GART: variants seen among roughly 807,000 people sequenced by gnomAD.
GART encodes the protein trifunctional purine biosynthetic protein adenosine-3.
In GART, 43 loss-of-function variants were observed where a neutral mutation model predicts 107.2. That is an observed-to-expected ratio of 0.40 (90% confidence interval 0.31 to 0.52). The LOEUF (loss-of-function observed/expected upper bound fraction) is 0.52, where lower values mean the gene tolerates loss of function less well. GART is among the 20% of genes least tolerant of loss of function. GART has a pLI of 0.52. For missense variants in GART, 1,107 were observed against 1,206.5 expected (o/e 0.92, Z 1.22); for synonymous variants, 434 against 427.0 (o/e 1.02, Z -0.20).
chr21:33,504,699 C>A (rs1191627290), intron 20 of GART, among the ~76,000 whole-genome samples, 172 bp from the exon 21 acceptor site: 1 of 152,056 alleles, frequency 6.6e-6, no homozygotes, highest in African/African-American at 2.4e-5. Flanking sequence ...TCCAAGAAGG[C>A]CCTGGAAGCA....
chr21:33,529,000 A>G, intron 7 of GART, 63 bp from the exon 8 acceptor site: 1 of 1,070,788 alleles, frequency 9.3e-7, no homozygotes, highest in South Asian at 1.3e-5. Context: ...GTAGTATTAC[A>G]TGGGACAACA....
At chr21:33,526,069 C>T (rs1299296304) in intron 10 of GART, among the ~76,000 whole-genome samples, 2 of 151,566 alleles carry the variant, frequency 1.3e-5, no homozygotes, top group East Asian at 3.9e-4. Context: ...CAGGGTTTCA[C>T]CGTGTTAGCC....
At chr21:33,517,651 A>C in intron 14 of GART, 43 bp from the exon 15 acceptor site, 1 of 1,607,764 alleles carries the variant, frequency 6.2e-7, no homozygotes, top group Non-Finnish European at 8.5e-7. Flanking sequence ...AGTATTTATA[A>C]ATCTGTCTAG....
At chr21:33,538,522 T>A (rs2145768627) in intron 2 of GART, among the ~76,000 whole-genome samples, 4 of 152,264 alleles carry the variant, frequency 2.6e-5, no homozygotes, top group African/African-American at 9.6e-5. Flanking sequence ...CGTGAGCCAC[T>A]GCACGTGGCC....
At chr21:33,513,563 C>CT (rs1302957597) in intron 16 of GART, among the ~76,000 whole-genome samples, 1 of 152,002 alleles carries the variant, frequency 6.6e-6, no homozygotes, top group African/African-American at 2.4e-5. Flanking sequence ...GGGTGAGACT[C>CT]TGTCTAAAAA....
chr21:33,511,221 A>G lies in GART; in HGVS notation c.2314+31T>C, dbSNP rs765441375. On this transcript the variant is annotated intron_variant, in intron 17 of 21. Transcript: ENST00000381815. The stretch of plus-strand genomic sequence containing the variant: ...TAGCTAAAATTATACAGCTAAAATT[A>G]TATATCTAAAAATGAGTAAGGAGCA... 1.1e-5 allele frequency: 17 copies of G among 1,610,444 alleles called. No homozygotes were observed. The East Asian group carries it at 3.6e-4, about 34-fold the overall frequency.
intron 16 of GART, among the ~76,000 whole-genome samples, chr21:33,512,200 C>G (rs2145688878): frequency 6.9e-6 from 1 of 144,530 alleles, no homozygotes; most frequent in East Asian, 2.2e-4. Context: ...AGGAGAATCA[C>G]TTAAACCTGG....
intron 12 of GART, among the ~76,000 whole-genome samples, chr21:33,521,951 CAAAAA>C (rs1252653074): frequency 7.2e-5 from 6 of 82,818 alleles, no homozygotes; most frequent in Admixed American, 2.4e-4. Context: ...ACTCTTGTCT[CAAAAA>C]AAAAAAAAAA....
intron 11 of GART, chr21:33,524,470 CGA>C (rs2085031124): frequency 1.0e-5 from 7 of 701,704 alleles, no homozygotes; most frequent in Non-Finnish European, 1.2e-5. Flanking sequence ...AGAACTTGGG[CGA>C]GAGAGGAAGA....
intron 16 of GART, among the ~76,000 whole-genome samples, chr21:33,515,736 C>T (rs986279778): frequency 6.6e-6 from 1 of 151,370 alleles, no homozygotes; most frequent in Non-Finnish European, 1.5e-5. Context: ...ACTTTTGCTG[C>T]ATGCATAAAA....
chr21:33,542,811 A>G, upstream of GART: 1 of 524,372 alleles, frequency 1.9e-6, no homozygotes, highest in South Asian at 2.2e-5. Flanking sequence ...TCGCCTCAAG[A>G]GAGACGGCTC....
Position 33,520,425 on chromosome 21 carries a change from T to C in GART, c.1641A>G (p.Val547=). ...YFSCGKLDLS[V]TEAVVAGIAK... ...CAATTCCAGCAACAACAGCTTCAGTTACACTGAGGTCAAGTTTTCCACAGG... is the reference window on the plus strand; with the variant it reads ...CAATTCCAGCAACAACAGCTTCAGTCACACTGAGGTCAAGTTTTCCACAGG... The change falls in exon 14 of 22, where the codon GTA becomes GTG. Residue 547 remains valine (V), a synonymous_variant. Transcript: ENST00000381815. 4 of 1,614,178 alleles carry C rather than the reference T, an allele frequency of 2.5e-6. No homozygotes were observed. Among genetic ancestry groups the C allele is most frequent in the Non-Finnish European group, 3.4e-6 (4 of 1,180,004 alleles).
At chr21:33,531,589 TAA>T (rs757214804) in intron 5 of GART, 32 bp from the exon 6 acceptor site, 4 of 1,204,502 alleles carry the variant, frequency 3.3e-6, no homozygotes, top group African/African-American at 3.1e-5. Flanking sequence ...TTTTTTTTTT[TAA>T]AAAAAGAGGC....
chr21:33,515,119 A>C (rs1367345323), intron 16 of GART, among the ~76,000 whole-genome samples: 1 of 152,170 alleles, frequency 6.6e-6, no homozygotes, highest in African/African-American at 2.4e-5. Flanking sequence ...CTACATGAGC[A>C]GCTTCACCTT....
chr21:33,535,598 T>C (rs79570468), intron 2 of GART, among the ~76,000 whole-genome samples: 156 of 152,290 alleles, frequency 1.0e-3, no homozygotes, highest in Non-Finnish European at 1.8e-3. Flanking sequence ...TCCATGATAT[T>C]GTTCACGTCA....
intron 11 of GART, 99 bp downstream of exon 11, chr21:33,524,670 A>T (rs2085035355): frequency 6.5e-6 from 10 of 1,537,686 alleles, no homozygotes; most frequent in Non-Finnish European, 8.7e-6. Flanking sequence ...ACAGAGAGAA[A>T]AGAATACTGA....
Position 33,530,834 on chromosome 21 carries a change from C to T in GART, c.648G>A (p.Gln216=). Residue 216 remains glutamine (Q), a synonymous_variant, in exon 7 of 22, where the codon CAG becomes CAA. Transcript: ENST00000381815. ...GKTVAPMPPA[Q]DHKRLLEGDG... ...CTCCCTCCAGTAATCGCTTATGGTCCTGTGCTGGGGGCATGGGGGCCACAG... is the reference window on the plus strand; with the variant it reads ...CTCCCTCCAGTAATCGCTTATGGTCTTGTGCTGGGGGCATGGGGGCCACAG... The T allele has an allele frequency of 1.3e-6, 2 of 1,543,314 alleles. No homozygotes were observed. Among genetic ancestry groups the T allele is most frequent in the Non-Finnish European group, 8.7e-7 (1 of 1,153,622 alleles).
intron 18 of GART, among the ~76,000 whole-genome samples, chr21:33,508,879 T>C (rs1202070472): frequency 6.6e-6 from 1 of 152,154 alleles, no homozygotes; most frequent in Non-Finnish European, 1.5e-5. Context: ...AGTGAGAACA[T>C]GCAATATCTG....
At position 33,506,103 on chromosome 21, in the gene GART, TC is replaced by T; in HGVS notation, c.2453del (p.Gly818AspfsTer8). 1.9e-6 allele frequency: 3 copies of T among 1,612,784 alleles called. No homozygotes were observed. The highest frequency in any genetic ancestry group is 2.5e-6 in the Non-Finnish European group (3 of 1,179,500). On this transcript the variant is annotated frameshift_variant and splice_region_variant, in exon 19 of 22. Transcript: ENST00000381815. LOFTEE classifies it high-confidence loss of function. ...ARVAVLISGT[G>X]SNLQALIDST... ...TGTCTATAAGTGCTTGCAGGTTCGATCCTGAGAAGGGAGAAAAACAGCAGTG... is the reference window on the plus strand; with the variant it reads ...TGTCTATAAGTGCTTGCAGGTTCGATCTGAGAAGGGAGAAAAACAGCAGTG...
Sources: gnomAD v4.1 joint callset for allele counts (sites outside exome capture counted in the v4.1 genomes callset) on GRCh38, gnomAD v4.1.1 for gene constraint, MANE v1.5 for transcripts, NCBI Gene and HGNC (gene_info 2026-07-23, HGNC 2026-07-21) for gene names.